The following PAM variants were observed in gnomAD, a reference collection of about 807,000 sequenced individuals.
PAM encodes peptidyl-glycine alpha-amidating monooxygenase.
PAM carries 72 observed loss-of-function variants against 122.1 expected under a neutral mutation model. The observed-to-expected ratio is 0.59, with a 90% CI of 0.49 to 0.72. The LOEUF (loss-of-function observed/expected upper bound fraction) is 0.72. PAM is among the 30% of genes least tolerant of loss of function. The pLI is 0.00. For missense variants in PAM, 1,106 were observed against 1,183.7 expected (o/e 0.93, Z 0.96); for synonymous variants, 389 against 404.4 (o/e 0.96, Z 0.46).
At chr5:102,795,664 G>T (rs145790562) in intron 1 of PAM, among the ~76,000 whole-genome samples, 1 of 152,170 alleles carries the variant, frequency 6.6e-6, no homozygotes, top group African/African-American at 2.4e-5. Context: ...AGGAACATAC[G>T]TATTTGTGCT....
chr5:102,852,460 TA>T (rs1201600484), intron 1 of PAM, among the ~76,000 whole-genome samples: 1 of 152,150 alleles, frequency 6.6e-6, no homozygotes. Context: ...TTTCAATCTT[TA>T]AAAACATAAC....
At chr5:102,822,752 C>T (rs1178757943) in intron 1 of PAM, among the ~76,000 whole-genome samples, 2 of 152,092 alleles carry the variant, frequency 1.3e-5, no homozygotes, top group African/African-American at 4.8e-5. Context: ...TTAGAAAGAG[C>T]AATTAAACCA....
At chr5:102,993,756 C>T (rs755988448) in intron 16 of PAM, among the ~76,000 whole-genome samples, 1 of 152,070 alleles carries the variant, frequency 6.6e-6, no homozygotes, top group Non-Finnish European at 1.5e-5. Context: ...TTCTGTTGCT[C>T]CTCTCCATTT....
chr5:102,959,906 T>C lies in PAM; in HGVS notation c.937T>C (p.Tyr313His). 6.2e-7 allele frequency: 1 copy of C among 1,612,512 alleles called. No individual in the cohort carries two copies. The highest frequency in any genetic ancestry group is 8.5e-7 in the Non-Finnish European group (1 of 1,178,816). ...GTSSDEMCNL[Y>H]IMYYMEAKHA... ...GTCTAGTGATGAAATGTGCAACTTATACATTATGTATTACATGGAAGCCAA... is the reference window on the plus strand; with the variant it reads ...GTCTAGTGATGAAATGTGCAACTTACACATTATGTATTACATGGAAGCCAA... Residue 313 changes from tyrosine to histidine, a missense_variant, in exon 13 of 26, where the codon TAC (tyrosine) becomes CAC (histidine). By Grantham distance (83) the Tyr-to-His change is moderately conservative. Coordinates refer to ENST00000438793, the MANE Select transcript of PAM (RefSeq NM_001177306.2).
At chr5:102,944,354 C>A (rs1449706028) in intron 7 of PAM, among the ~76,000 whole-genome samples, 2 of 151,996 alleles carry the variant, frequency 1.3e-5, no homozygotes, top group Non-Finnish European at 2.9e-5. Context: ...TAGCTAAAGG[C>A]CAGGTATTTG....
chr5:102,950,653 C>A, intron 11 of PAM, 64 bp from the exon 12 acceptor site: 1 of 990,404 alleles, frequency 1.0e-6, no homozygotes, highest in Non-Finnish European at 1.6e-6. Context: ...TCAACACAGT[C>A]AAACATGTAG....
At chr5:102,878,850 A>G (rs1790044361) in intron 3 of PAM, among the ~76,000 whole-genome samples, 1 of 152,194 alleles carries the variant, frequency 6.6e-6, no homozygotes, top group South Asian at 2.1e-4. Flanking sequence ...AAAAAGTTTA[A>G]AAATTAATAA....
chr5:102,980,089 A>G (rs1344142066), intron 15 of PAM, among the ~76,000 whole-genome samples: 11 of 152,116 alleles, frequency 7.2e-5, no homozygotes, highest in Admixed American at 7.2e-4. Context: ...TTCCAGTAAT[A>G]TGTTCTCAAC....
intron 1 of PAM, among the ~76,000 whole-genome samples, chr5:102,845,513 G>A (rs1344090329): frequency 1.3e-5 from 2 of 152,102 alleles, no homozygotes; most frequent in African/African-American, 4.8e-5. Context: ...TGATAAGGTA[G>A]GAAGTTTATT....
chr5:102,806,584 T>C (rs934098393), intron 1 of PAM, among the ~76,000 whole-genome samples: 1 of 152,214 alleles, frequency 6.6e-6, no homozygotes, highest in Non-Finnish European at 1.5e-5. Context: ...TATATACATA[T>C]ATATACACAC....
intron 16 of PAM, among the ~76,000 whole-genome samples, chr5:102,996,120 C>A (rs1775626031): frequency 6.6e-6 from 1 of 152,010 alleles, no homozygotes; most frequent in African/African-American, 2.4e-5. Context: ...GCATTTCTTC[C>A]CAGCCTTATC....
At position 103,028,741 on chromosome 5, in the gene PAM, CTCTG is replaced by C. The variant is rs1465396969; in HGVS notation, c.2744-140_2744-137del. 114 of 596,776 alleles carry C rather than the reference CTCTG, an allele frequency of 1.9e-4. 2 individuals are homozygous for C. Among genetic ancestry groups the C allele is most frequent in the Middle Eastern group, 8.8e-4 (2 of 2,260 alleles). The allele number at this position is 596,776 out of a possible 1,614,324, so 37.0% of individuals were successfully genotyped here. The stretch of plus-strand genomic sequence containing the variant: ...ATCTATATGGCTCTGTAGGATACGT[CTCTG>C]TCTGTTTTTCTATTTTATTTTTAAA... On this transcript the variant is annotated intron_variant, in intron 25 of 25. Transcript: ENST00000438793.
At chr5:102,790,954 T>C (rs1761906702) in intron 1 of PAM, among the ~76,000 whole-genome samples, 1 of 152,100 alleles carries the variant, frequency 6.6e-6, no homozygotes, top group African/African-American at 2.4e-5. Flanking sequence ...TTCATGCATA[T>C]ATGCACATAT....
At chr5:102,780,852 TC>T (rs1432617376) in intron 1 of PAM, among the ~76,000 whole-genome samples, 173 of 149,674 alleles carry the variant, frequency 1.2e-3, no homozygotes, top group African/African-American at 4.0e-3. Flanking sequence ...TTTCTCTCTC[TC>T]TCTCTCTTTC....
At chr5:102,772,304 C>T (rs1756019289) in intron 1 of PAM, among the ~76,000 whole-genome samples, 1 of 152,054 alleles carries the variant, frequency 6.6e-6, no homozygotes, top group South Asian at 2.1e-4. Flanking sequence ...CAGTGTAAAC[C>T]TTCATCCCTA....
intron 3 of PAM, among the ~76,000 whole-genome samples, chr5:102,891,693 A>G (rs1370392482): frequency 6.6e-6 from 1 of 151,858 alleles, no homozygotes; most frequent in African/African-American, 2.4e-5. Flanking sequence ...CAGGCTTGCT[A>G]AACTGGGAAT....
intron 1 of PAM, among the ~76,000 whole-genome samples, chr5:102,814,516 TCC>T (rs1769001070): frequency 6.9e-6 from 1 of 144,646 alleles, no homozygotes; most frequent in African/African-American, 2.6e-5. Flanking sequence ...TCTCTCTCTC[TCC>T]CTCTCTCTAT....
chr5:102,954,211 G>A (rs1759955584), intron 12 of PAM, among the ~76,000 whole-genome samples: 1 of 151,892 alleles, frequency 6.6e-6, no homozygotes. Context: ...ACATGGATAA[G>A]TTCTTTAGGG....
chr5:102,926,353 T>G (rs770679637), intron 6 of PAM, among the ~76,000 whole-genome samples: 5 of 152,260 alleles, frequency 3.3e-5, no homozygotes, highest in Non-Finnish European at 7.3e-5. Flanking sequence ...GTGTAAGTGA[T>G]TACTCTGGTT....
Sources: allele counts gnomAD v4.1 joint callset (sites outside exome capture counted in the v4.1 genomes callset), GRCh38; gene constraint gnomAD v4.1.1; transcripts MANE v1.5; gene names NCBI Gene and HGNC (gene_info 2026-07-23, HGNC 2026-07-21).